CLCN2: variants seen among roughly 807,000 people sequenced by gnomAD.
CLCN2 encodes the protein chloride voltage-gated channel 2.
A neutral mutation model predicts 108.3 loss-of-function variants in CLCN2; 72 were observed. The ratio of observed to expected loss-of-function variants is 0.66; its 90% CI spans 0.55 to 0.81. The LOEUF (loss-of-function observed/expected upper bound fraction) is 0.81, where lower values mean the gene tolerates loss of function less well. Ranked by LOEUF, CLCN2 falls within the 30% of genes least tolerant of loss-of-function variation. CLCN2 has a pLI of 0.00. For missense variants in CLCN2, 1,048 were observed against 1,205.2 expected (o/e 0.87, Z 1.93); for synonymous variants, 471 against 467.1 (o/e 1.01, Z -0.11).
chr3:184,357,901 A>C, intron 5 of CLCN2, 45 bp from the exon 6 acceptor site: 1 of 1,613,326 alleles, frequency 6.2e-7, no homozygotes, highest in Non-Finnish European at 8.5e-7. Context: ...GCCCGCCCTG[A>C]CCTTGGCCTG....
intron 20 of CLCN2, 55 bp from the exon 21 acceptor site, chr3:184,352,386 A>G (rs1181172154): frequency 1.9e-6 from 3 of 1,613,148 alleles, no homozygotes; most frequent in Admixed American, 3.3e-5. Flanking sequence ...TATCCAGCCT[A>G]GACCCTGCCC....
intron 1 of CLCN2, among the ~76,000 whole-genome samples, chr3:184,360,460 C>A (rs1462001394): frequency 4.6e-5 from 7 of 151,964 alleles, no homozygotes; most frequent in Non-Finnish European, 1.0e-4. Context: ...AAGGGTTGGC[C>A]CCTCTACCCT....
At chr3:184,350,679 C>G (rs1463438177) in intron 22 of CLCN2, among the ~76,000 whole-genome samples, 1 of 152,102 alleles carries the variant, frequency 6.6e-6, no homozygotes, top group Non-Finnish European at 1.5e-5. Flanking sequence ...TCAAGTGATC[C>G]ACCTGCTGCA....
rs371779951 is a variant in CLCN2 at position 184,346,629 on chromosome 3, C to T, written c.2674G>A (p.Asp892Asn). Residue 892 changes from aspartate (D) to asparagine (N), a missense_variant, in exon 24 of 24, where the codon GAC becomes AAC. Asp to Asn is a conservative substitution (Grantham distance 23). Transcript: ENST00000265593. This position sits in a 1 kb window ranked among gnomAD's most constrained non-coding sequence, Gnocchi z 6.0. ...GCTCATTGGCATTTGTCGTCGCTGT[C>T]GGAAGGGCTGCCCTCCCGGGGGAGG... ...HGLPREGSPSDSDDKCQ is the reference protein window; with the variant it reads ...HGLPREGSPSNSDDKCQ 2.9e-5 allele frequency: 47 copies of T among 1,614,062 alleles called. No homozygotes were observed. The highest frequency in any genetic ancestry group is 1.6e-4 in the South Asian group (15 of 91,068).
rs1728508123 is a variant in CLCN2, at chr3:184,355,808, G to A, written c.1086-30C>T. On this transcript the variant is annotated intron_variant, in intron 10 of 23. Transcript: ENST00000265593. This position sits in a 1 kb window ranked among gnomAD's most constrained non-coding sequence, Gnocchi z 6.3. ...AGTCGTAGGTTTCACATCAGTCGTG[G>A]GTGGCCAAGGGCTGGGTGGCCTCGC... is the stretch of plus-strand genomic sequence containing the variant. 1 of 1,598,230 alleles carries A rather than the reference G, an allele frequency of 6.3e-7. No individual in the cohort carries two copies. Among genetic ancestry groups the A allele is most frequent in the Non-Finnish European group, 8.6e-7 (1 of 1,166,688 alleles).
chr3:184,357,995 G>C lies in CLCN2; in HGVS notation c.582C>G (p.Cys194Trp), dbSNP rs754909914. 3 of 1,614,054 alleles carry C rather than the reference G, an allele frequency of 1.9e-6. No homozygotes were observed. The Admixed American group carries it at 5.0e-5, about 27-fold the overall frequency. The change falls in exon 5 of 24, where the codon TGC becomes TGG. Residue 194 changes from cysteine (C) to tryptophan (W), a missense_variant. By Grantham distance (215) the Cys-to-Trp change is radical. Transcript: ENST00000265593. Reference sequence around the variant, plus strand: ...CAAGCGGCATCCCGCTGCCTAGGGCGCAGGTCAGCCCAATGACCTTAGCTA... The same window carrying C: ...CAAGCGGCATCCCGCTGCCTAGGGCCCAGGTCAGCCCAATGACCTTAGCTA... ...TFIAKVIGLTCALGSGMPLGK... is the reference protein window; with the variant it reads ...TFIAKVIGLTWALGSGMPLGK...
chr3:184,356,315 T>G, intron 10 of CLCN2: 1 of 185,852 alleles, frequency 5.4e-6, no homozygotes, highest in East Asian at 1.4e-4. Context: ...ATCCTCAGGG[T>G]CACACTGAGA....
chr3:184,348,018 A>G (rs1270218301), intron 22 of CLCN2: 1 of 152,196 alleles, frequency 6.6e-6, no homozygotes, highest in Non-Finnish European at 1.5e-5. Context: ...TCTTCGCTTA[A>G]TGTTTGAATC....
In CLCN2 at chr3:184,355,421, G is replaced by A; in HGVS notation, c.1279C>T (p.Pro427Ser). 1.2e-6 allele frequency: 2 copies of A among 1,614,036 alleles called. No homozygotes were observed. The highest frequency in any genetic ancestry group is 1.1e-5 in the South Asian group (1 of 91,084). ...AGGGTGAGGAAGACGTTGGCACGTG[G>A]TGGGTTCCAGGCCTGTGAGGTGCTG... ...PPSTSQAWNPPRANVFLTLVI... is the reference protein window; with the variant it reads ...PPSTSQAWNPSRANVFLTLVI... Residue 427 changes from proline (P) to serine (S), a missense_variant, in exon 12 of 24, where the codon CCA (proline) becomes TCA (serine). Transcript: ENST00000265593. This position sits in a 1 kb window ranked among gnomAD's most constrained non-coding sequence, Gnocchi z 6.3.
chr3:184,357,689 G>A lies in CLCN2; in HGVS notation c.703C>T (p.Arg235Trp), dbSNP rs199782817. The change falls in exon 7 of 24, where the codon CGG becomes TGG. Residue 235 changes from arginine (R) to tryptophan (W), a missense_variant. Physicochemically the swap from Arg to Trp is moderately radical, Grantham distance 101. Coordinates refer to ENST00000265593, the MANE Select transcript of CLCN2 (RefSeq NM_004366.6). ...GCGGCAGCCAGCATCTCTGTGTTCCGGGATTCATTCTGGCGAGAGTGGTGG... is the reference window on the plus strand; with the variant it reads ...GCGGCAGCCAGCATCTCTGTGTTCCAGGATTCATTCTGGCGAGAGTGGTGG... ...LFGGIYENES[R>W]NTEMLAAACA... The A allele has an allele frequency of 1.2e-6, 2 of 1,614,122 alleles. No individual in the cohort carries two copies. The highest frequency in any genetic ancestry group is 2.2e-5 in the East Asian group (1 of 44,890).
Position 184,346,630 on chromosome 3 carries a change from G to A in CLCN2, c.2673C>T (p.Ser891=), listed in dbSNP as rs770255530. The change falls in exon 24 of 24, where the codon TCC becomes TCT. Residue 891 remains serine, a synonymous_variant. Coordinates refer to ENST00000265593, the MANE Select transcript of CLCN2 (RefSeq NM_004366.6). The surrounding 1 kb of genome is among the most constrained non-coding windows in gnomAD (Gnocchi z 6.0). ...RHGLPREGSP[S]DSDDKCQ is the part of the protein sequence containing the mutation. ...CTCATTGGCATTTGTCGTCGCTGTC[G>A]GAAGGGCTGCCCTCCCGGGGGAGGC... is the stretch of plus-strand genomic sequence containing the variant. 5.6e-6 allele frequency: 9 copies of A among 1,614,088 alleles called. No individual in the cohort carries two copies. The highest frequency in any genetic ancestry group is 1.7e-4 in the Middle Eastern group (1 of 6,060).
chr3:184,354,914 G>A lies in CLCN2; in HGVS notation c.1386C>T (p.Val462=). The part of the protein sequence containing the change: ...IPVPCGAFMP[V]FVIGAAFGRL... ...CAGCTGAGAACTCACCAATGACAAA[G>A]ACAGGCATGAAGGCCCCACAGGGAA... The change falls in exon 13 of 24, where the codon GTC becomes GTT. Residue 462 remains valine, a synonymous_variant. Transcript: ENST00000265593. The A allele has an allele frequency of 6.2e-7, 1 of 1,613,950 alleles. No homozygotes were observed. The highest frequency in any genetic ancestry group is 8.5e-7 in the Non-Finnish European group (1 of 1,179,970).
At chr3:184,358,445 G>A (rs1175317644) in intron 3 of CLCN2, 135 bp from the exon 4 acceptor site, 1 of 1,343,078 alleles carries the variant, frequency 7.4e-7, no homozygotes, top group Non-Finnish European at 1.1e-6. Flanking sequence ...AAGGGTCCCT[G>A]AGGGTATTCA....
At chr3:184,351,923 A>G (rs1028683341) in intron 22 of CLCN2, 90 bp downstream of exon 22, 4 of 936,618 alleles carry the variant, frequency 4.3e-6, no homozygotes, top group East Asian at 4.8e-5. Flanking sequence ...CTCCTTCCCC[A>G]CTGGCCTGAG....
At position 184,355,329 on chromosome 3, in the gene CLCN2, G is replaced by C. The variant is rs1728464226; in HGVS notation, c.1326+45C>G. 1.2e-6 allele frequency: 2 copies of C among 1,608,992 alleles called. No homozygotes were observed. The highest frequency in any genetic ancestry group is 4.5e-5 in the East Asian group (2 of 44,854). On this transcript the variant is annotated intron_variant, in intron 12 of 23. Transcript: ENST00000265593. The surrounding 1 kb of genome is among the most constrained non-coding windows in gnomAD (Gnocchi z 6.3). The stretch of plus-strand genomic sequence containing the variant: ...AGCACTGCGTGGCAGGTGCTTAGAA[G>C]GGCAAGCTATGTAAAGGTTAGCAGT...
Position 184,357,001 on chromosome 3 carries a change from G to A in CLCN2, c.1077C>T (p.Leu359=). The change falls in exon 10 of 24, where the codon CTC becomes CTT. Residue 359 remains leucine (L), a synonymous_variant. Transcript: ENST00000265593. ...MRKQKTINRF[L]MRKRLLFPAL... is the part of the protein sequence containing the mutation. ...AGCCGAGAGCCACTCACTTCCTCAT[G>A]AGGAAGCGATTGATGGTTTTCTGCT... The A allele has an allele frequency of 1.9e-6, 3 of 1,612,462 alleles. No individual in the cohort carries two copies. Among genetic ancestry groups the A allele is most frequent in the Non-Finnish European group, 2.5e-6 (3 of 1,179,268 alleles).
chr3:184,352,353 T>C (rs1171832482), intron 20 of CLCN2, 22 bp from the exon 21 acceptor site: 4 of 1,613,732 alleles, frequency 2.5e-6, no homozygotes, highest in South Asian at 2.2e-5. Context: ...GGAGGGAGGC[T>C]GGCAGCTAGG....
chr3:184,358,873 C>T (rs369183177), intron 2 of CLCN2, 60 bp from the exon 3 acceptor site: 42 of 1,613,476 alleles, frequency 2.6e-5, no homozygotes, highest in African/African-American at 1.2e-4. Flanking sequence ...ACCCCTTTTA[C>T]TGCCCCCTCA....
intron 3 of CLCN2, 81 bp from the exon 4 acceptor site, chr3:184,358,391 C>T (rs1476854017): frequency 1.3e-6 from 2 of 1,594,582 alleles, no homozygotes; most frequent in African/African-American, 1.3e-5. Context: ...ATACGACAGG[C>T]TGTCCCAGGG....
Sources: gnomAD v4.1 joint callset for allele counts (sites outside exome capture counted in the v4.1 genomes callset) on GRCh38, gnomAD v4.1.1 for gene constraint, Gnocchi (gnomAD v3.1) non-coding constraint, MANE v1.5 for transcripts, NCBI Gene and HGNC (gene_info 2026-07-23, HGNC 2026-07-21) for gene names.